PTPRG: variants seen among roughly 807,000 people sequenced by gnomAD.
PTPRG encodes the protein receptor-type tyrosine-protein phosphatase gamma.
In PTPRG, 102 loss-of-function variants were observed where a neutral mutation model predicts 165.3. The ratio of observed to expected loss-of-function variants is 0.62; its 90% CI spans 0.53 to 0.73. The LOEUF (loss-of-function observed/expected upper bound fraction) is 0.73, where lower values mean the gene tolerates loss of function less well. PTPRG is among the 30% of genes least tolerant of loss of function. PTPRG has a pLI of 0.00. For synonymous variants in PTPRG, 675 were observed against 669.5 expected (o/e 1.01, Z -0.13); for missense variants, 1,866 against 1,861.4 (o/e 1.00, Z -0.05).
At chr3:61,681,239 G>C (rs1234421332) in intron 1 of PTPRG, among the ~76,000 whole-genome samples, 2 of 152,084 alleles carry the variant, frequency 1.3e-5, no homozygotes. Flanking sequence ...TGGCATTCCT[G>C]GATCTGTTAA....
At chr3:62,019,396 A>G (rs1219630220) in intron 4 of PTPRG, among the ~76,000 whole-genome samples, 1 of 151,932 alleles carries the variant, frequency 6.6e-6, no homozygotes, top group African/African-American at 2.4e-5. Context: ...GGTGGCACGC[A>G]TCTGTGGTCC....
chr3:61,607,503 A>G (rs1701045787), intron 1 of PTPRG, among the ~76,000 whole-genome samples: 1 of 152,146 alleles, frequency 6.6e-6, no homozygotes, highest in Non-Finnish European at 1.5e-5. Flanking sequence ...CTCTCATTTC[A>G]TAGGAGTTTT....
intron 14 of PTPRG, among the ~76,000 whole-genome samples, chr3:62,239,188 G>A (rs1377118199): frequency 6.6e-6 from 1 of 152,064 alleles, no homozygotes; most frequent in African/African-American, 2.4e-5. Context: ...TGATAATTTT[G>A]GAAAATGGCT....
intron 2 of PTPRG, among the ~76,000 whole-genome samples, chr3:61,871,101 A>G (rs533381120): frequency 1.2e-4 from 17 of 142,202 alleles, no homozygotes; most frequent in Middle Eastern, 3.8e-3. Context: ...CATTTTCCCT[A>G]CATTCCCTGT....
intron 2 of PTPRG, among the ~76,000 whole-genome samples, chr3:61,759,039 A>G (rs976887127): frequency 6.6e-6 from 1 of 152,156 alleles, no homozygotes; most frequent in Non-Finnish European, 1.5e-5. Flanking sequence ...CTTTGAGTGT[A>G]AAGTGGTGGT....
intron 4 of PTPRG, among the ~76,000 whole-genome samples, chr3:62,066,198 T>C (rs1007306972): frequency 2.6e-5 from 4 of 152,188 alleles, no homozygotes; most frequent in Non-Finnish European, 1.5e-5. Context: ...CCCGAAAACA[T>C]GACGAGGTGG....
chr3:62,291,229 G>A (rs149536591), intron 28 of PTPRG, among the ~76,000 whole-genome samples: 1 of 152,240 alleles, frequency 6.6e-6, no homozygotes, highest in Non-Finnish European at 1.5e-5. Flanking sequence ...AAATGATGAG[G>A]AGAAGCAAGT....
chr3:61,627,524 A>G (rs1701646626), intron 1 of PTPRG, among the ~76,000 whole-genome samples: 1 of 152,200 alleles, frequency 6.6e-6, no homozygotes, highest in Admixed American at 6.6e-5. Context: ...ATATTTAAAT[A>G]TGTAACCTTT....
chr3:62,104,351 C>G (rs185346741), intron 5 of PTPRG, among the ~76,000 whole-genome samples: 50 of 152,234 alleles, frequency 3.3e-4, no homozygotes, highest in Admixed American at 2.9e-3. Flanking sequence ...TTTTGTCAGC[C>G]AAATATGAGA....
chr3:61,896,377 A>G (rs1005796922), intron 2 of PTPRG, among the ~76,000 whole-genome samples: 2 of 152,164 alleles, frequency 1.3e-5, no homozygotes, highest in African/African-American at 2.4e-5. Flanking sequence ...CATTTTGTGT[A>G]TATCAGTGTT....
chr3:62,280,231 C>G (rs916690911), intron 26 of PTPRG, among the ~76,000 whole-genome samples: 4 of 152,000 alleles, frequency 2.6e-5, no homozygotes, highest in Non-Finnish European at 5.9e-5. Context: ...CAAAAAAGTT[C>G]TATCCCTTAC....
At chr3:61,827,334 A>G (rs768330509) in intron 2 of PTPRG, among the ~76,000 whole-genome samples, 1 of 152,222 alleles carries the variant, frequency 6.6e-6, no homozygotes, top group Non-Finnish European at 1.5e-5. Flanking sequence ...TTAGTCTTTC[A>G]TGTAATCAGA....
chr3:62,247,146 T>C (rs1411458622), intron 15 of PTPRG, among the ~76,000 whole-genome samples: 1 of 152,174 alleles, frequency 6.6e-6, no homozygotes, highest in African/African-American at 2.4e-5. Flanking sequence ...TATAGTCCTA[T>C]AGAGACAGGT....
chr3:61,773,704 C>G (rs1380390309), intron 2 of PTPRG, among the ~76,000 whole-genome samples: 1 of 151,768 alleles, frequency 6.6e-6, no homozygotes, highest in African/African-American at 2.4e-5. Context: ...CAAAAAAGAG[C>G]CTAGGATGCT....
intron 5 of PTPRG, among the ~76,000 whole-genome samples, chr3:62,107,353 C>T (rs951618622): frequency 2.6e-5 from 4 of 152,224 alleles, no homozygotes; most frequent in Admixed American, 1.3e-4. Context: ...AAGGAAGCTT[C>T]TGGGCTATTA....
At chr3:61,763,704 G>A (rs1452411106) in intron 2 of PTPRG, among the ~76,000 whole-genome samples, 2 of 152,082 alleles carry the variant, frequency 1.3e-5, no homozygotes, top group Non-Finnish European at 2.9e-5. Flanking sequence ...CAACCCCATG[G>A]CACTTAATAA....
intron 10 of PTPRG, among the ~76,000 whole-genome samples, chr3:62,197,542 T>C (rs1699995893): frequency 6.6e-6 from 1 of 152,126 alleles, no homozygotes. Context: ...TTTCCCTGTG[T>C]CGAGGAAGGA....
intron 2 of PTPRG, among the ~76,000 whole-genome samples, chr3:61,959,371 G>C (rs1429912076): frequency 6.6e-6 from 1 of 152,176 alleles, no homozygotes; most frequent in Admixed American, 6.5e-5. Flanking sequence ...GACTGGTTTT[G>C]TGGAAGACAA....
intron 27 of PTPRG, among the ~76,000 whole-genome samples, chr3:62,282,478 C>T (rs970958164): frequency 6.6e-6 from 1 of 151,396 alleles, no homozygotes; most frequent in Non-Finnish European, 1.5e-5. Flanking sequence ...AATCCTCCCA[C>T]CTTGGCCTCC....
Sources: allele counts gnomAD v4.1 joint callset (sites outside exome capture counted in the v4.1 genomes callset), GRCh38; gene constraint gnomAD v4.1.1; transcripts MANE v1.5; gene names NCBI Gene and HGNC (gene_info 2026-07-23, HGNC 2026-07-21).